The following C6orf62 variants were observed in gnomAD, a reference collection of about 807,000 sequenced individuals.
C6orf62 encodes the protein chromosome 6 open reading frame 62.
In C6orf62, 16 loss-of-function variants were observed where a neutral mutation model predicts 26.8. The observed-to-expected ratio is 0.60, with a 90% confidence interval of 0.40 to 0.91. C6orf62 has a LOEUF of 0.91. Ranked by LOEUF, C6orf62 falls within the 40% of genes least tolerant of loss-of-function variation. The probability of loss-of-function intolerance (pLI) is 0.00; values close to 1 mark genes in which losing one functional copy is unlikely to be tolerated. For missense variants in C6orf62, 192 were observed against 271.4 expected (o/e 0.71, Z 2.06); for synonymous variants, 112 against 91.5 (o/e 1.22, Z -1.28).
intron 3 of C6orf62, among the ~76,000 whole-genome samples, chr6:24,712,427 T>A (rs1421699344): frequency 6.6e-6 from 1 of 151,710 alleles, no homozygotes; most frequent in Non-Finnish European, 1.5e-5. Flanking sequence ...TCCCAGCACT[T>A]TGGGAGGCCG....
At chr6:24,708,750 T>TA in intron 4 of C6orf62, 27 bp downstream of exon 4, 1 of 1,614,020 alleles carries the variant, frequency 6.2e-7, no homozygotes. Flanking sequence ...AATGAGCCTG[T>TA]AAGTGGTTTT....
intron 3 of C6orf62, among the ~76,000 whole-genome samples, chr6:24,710,911 G>C (rs1347124315): frequency 1.3e-5 from 2 of 152,064 alleles, no homozygotes; most frequent in East Asian, 1.9e-4. Context: ...AGGATCACTT[G>C]GGCCTGGGAG....
chr6:24,717,204 T>C (rs1002657707), intron 1 of C6orf62, among the ~76,000 whole-genome samples: 8 of 152,230 alleles, frequency 5.3e-5, no homozygotes, highest in African/African-American at 1.9e-4. Context: ...CAGATTATCG[T>C]TGGTGTTAAA....
chr6:24,719,126 A>G lies in C6orf62; in HGVS notation c.-458T>C, dbSNP rs1779300696. 7 of 834,258 alleles carry G rather than the reference A, an allele frequency of 8.4e-6. No individual in the cohort carries two copies. The highest frequency in any genetic ancestry group is 1.0e-5 in the Non-Finnish European group (7 of 696,196). 51.7% of individuals were successfully genotyped at this position (834,258 alleles called of 1,614,324 possible). ...CTTTTTAGAAAAGGGATTAAGGAAC[A>G]GGGAGGGGGAAGTGTGATCCTTGCT... is the stretch of plus-strand genomic sequence containing the variant. On this transcript the variant is annotated 5_prime_UTR_variant, in exon 1 of 5. Coordinates refer to ENST00000378119, the MANE Select transcript of C6orf62 (RefSeq NM_030939.5).
In C6orf62 at chr6:24,718,732, A is replaced by G. The variant is rs2127636976; in HGVS notation, c.-64T>C. On this transcript the variant is annotated 5_prime_UTR_variant, in exon 1 of 5. Coordinates refer to ENST00000378119, the MANE Select transcript of C6orf62 (RefSeq NM_030939.5). ...CACTAAACTATGGGCACTTTTTCTT[A>G]AGACTCAAGTACAACAGAAACAAGT... 6.3e-7 allele frequency: 1 copy of G among 1,597,030 alleles called. No individual in the cohort carries two copies. The highest frequency in any genetic ancestry group is 8.5e-7 in the Non-Finnish European group (1 of 1,176,218).
chr6:24,719,296 A>C, upstream of C6orf62: 3 of 990,034 alleles, frequency 3.0e-6, no homozygotes, highest in Non-Finnish European at 3.6e-6. Flanking sequence ...TAGTTATTTC[A>C]GATTTCACTA....
At chr6:24,710,234 C>T (rs564555296) in intron 3 of C6orf62, 1 of 984,896 alleles carries the variant, frequency 1.0e-6, no homozygotes, top group Middle Eastern at 5.2e-4. Flanking sequence ...AATCCTTTCC[C>T]AGAATAAGAT....
At chr6:24,716,401 G>T in intron 1 of C6orf62, 77 bp from the exon 2 acceptor site, 1 of 1,038,326 alleles carries the variant, frequency 9.6e-7, no homozygotes. Context: ...ACAATGTCAT[G>T]TAACATTAAC....
At chr6:24,709,523 C>T (rs1415498959) in intron 3 of C6orf62, 1 of 978,144 alleles carries the variant, frequency 1.0e-6, no homozygotes, top group East Asian at 1.1e-4. Context: ...TAAAATAAGG[C>T]TGTAACCCAT....
At chr6:24,707,483 G>C (rs1352661132) in intron 4 of C6orf62, among the ~76,000 whole-genome samples, 3 of 151,622 alleles carry the variant, frequency 2.0e-5, no homozygotes, top group Non-Finnish European at 2.9e-5. Context: ...TCAGCCTCCA[G>C]AGTAGCTAGG....
chr6:24,720,279 CGGAAGAGGCGGCGGCGGCGGG>C (rs1779329512), upstream of C6orf62: 11 of 1,290,854 alleles, frequency 8.5e-6, no homozygotes, highest in Admixed American at 4.4e-4. Flanking sequence ...GTGGCGGCGG[CGGAAGAGGCGGCGGCGGCGGG>C]GGCGCTGCTG....
chr6:24,718,915 G>T lies in C6orf62; in HGVS notation c.-247C>A. ...GGACAATAACGTTTGGGGTCAGACG[G>T]GAAAAAGGGAGGAAAGAAAGGAAAG... On this transcript the variant is annotated 5_prime_UTR_variant, in exon 1 of 5. Coordinates refer to ENST00000378119, the MANE Select transcript of C6orf62 (RefSeq NM_030939.5). 1.6e-6 allele frequency: 2 copies of T among 1,276,916 alleles called. No individual in the cohort carries two copies. Among genetic ancestry groups the T allele is most frequent in the Non-Finnish European group, 2.0e-6 (2 of 1,012,170 alleles). The allele number at this position is 1,276,916 out of a possible 1,614,324, so 79.1% of individuals were successfully genotyped here. A position where few individuals can be genotyped will look rare whatever the true frequency, so the allele number is the denominator to read the frequency against.
chr6:24,706,233 C>T lies in C6orf62; in HGVS notation c.594G>A (p.Lys198=). 5 of 1,614,158 alleles carry T rather than the reference C, an allele frequency of 3.1e-6. No homozygotes were observed. The highest frequency in any genetic ancestry group is 4.2e-6 in the Non-Finnish European group (5 of 1,180,020). ...QTPKNKATIF[K]LCSICLYLPQ... ...GCAGGTAGAGGCAGATGCTGCATAA[C>T]TTGAAGATTGTAGCTTTGTTTTTTG... The change falls in exon 5 of 5, where the codon AAG becomes AAA. Residue 198 remains lysine (K), a synonymous_variant. Coordinates refer to ENST00000378119, the MANE Select transcript of C6orf62 (RefSeq NM_030939.5).
intron 1 of C6orf62, among the ~76,000 whole-genome samples, chr6:24,718,133 A>G (rs1026595505): frequency 1.3e-5 from 2 of 152,252 alleles, no homozygotes; most frequent in Admixed American, 1.3e-4. Context: ...GCAGTTTAAG[A>G]AACAGGATAA....
chr6:24,719,254 C>T, upstream of C6orf62: 1 of 987,776 alleles, frequency 1.0e-6, no homozygotes, highest in African/African-American at 1.7e-5. Context: ...AGATTTTACC[C>T]AGCCAGCTCC....
At position 24,719,086 on chromosome 6, in the gene C6orf62, T is replaced by A; in HGVS notation, c.-418A>T. The A allele has an allele frequency of 1.0e-6, 1 of 982,202 alleles. No homozygotes were observed. Among genetic ancestry groups the A allele is most frequent in the Non-Finnish European group, 1.2e-6 (1 of 831,756 alleles). 60.8% of individuals were successfully genotyped at this position (982,202 alleles called of 1,614,324 possible). A position where few individuals can be genotyped will look rare whatever the true frequency, so the allele number is the denominator to read the frequency against. Reference sequence around the variant, plus strand: ...ACACCAGACCAATCCCTAAAATCCATCCGGATTTTCCCCCCTTTTTAGAAA... The same window carrying A: ...ACACCAGACCAATCCCTAAAATCCAACCGGATTTTCCCCCCTTTTTAGAAA... On this transcript the variant is annotated 5_prime_UTR_variant, in exon 1 of 5. An upstream start codon of the reference 5' UTR is lost. Coordinates refer to ENST00000378119, the MANE Select transcript of C6orf62 (RefSeq NM_030939.5).
At chr6:24,710,121 A>G in intron 3 of C6orf62, 2 of 984,968 alleles carry the variant, frequency 2.0e-6, no homozygotes, top group Non-Finnish European at 2.4e-6. Flanking sequence ...AAAGCATGCT[A>G]TTAGCTACTA....
chr6:24,709,540 G>A lies in C6orf62; in HGVS notation c.430-629C>T, dbSNP rs987263508. 9 of 982,172 alleles carry A rather than the reference G, an allele frequency of 9.2e-6. No individual in the cohort carries two copies. The African/African-American group carries it at 1.2e-4, about 13-fold the overall frequency. The allele number at this position is 982,172 out of a possible 1,614,324, so 60.8% of individuals were successfully genotyped here. On this transcript the variant is annotated intron_variant, in intron 3 of 4. Coordinates refer to ENST00000378119, the MANE Select transcript of C6orf62 (RefSeq NM_030939.5). ...AAATAAGGCTGTAACCCATTTCACA[G>A]GACAGTTAAGAGGGTTAAATGAAAT...
chr6:24,719,432 C>T (rs936787518), upstream of C6orf62: 6 of 1,075,706 alleles, frequency 5.6e-6, no homozygotes, highest in African/African-American at 1.0e-4. Context: ...CAGTGTATAC[C>T]GGGGGCGGGC....
Sources: gnomAD v4.1 joint callset for allele counts (sites outside exome capture counted in the v4.1 genomes callset) on GRCh38, gnomAD v4.1.1 for gene constraint, MANE v1.5 for transcripts, NCBI Gene and HGNC (gene_info 2026-07-23, HGNC 2026-07-21) for gene names.